The following LEF1 variants were observed in gnomAD, a reference collection of about 807,000 sequenced individuals.
LEF1 encodes the protein lymphoid enhancer binding factor 1, also known as lymphoid enhancer-binding factor 1.
Under a neutral mutation model 51.2 loss-of-function variants are expected in LEF1, and 14 were observed. The observed-to-expected ratio is 0.27, with a 90% confidence interval of 0.18 to 0.43. LEF1 has a LOEUF of 0.43. Among genes scored for constraint, LEF1 ranks in the 20% least tolerant of loss-of-function variants. The probability of loss-of-function intolerance (pLI) is 1.00; values close to 1 mark genes in which losing one functional copy is unlikely to be tolerated. For synonymous variants in LEF1, 185 were observed against 183.2 expected (o/e 1.01, Z -0.08); for missense variants, 386 against 512.0 (o/e 0.75, Z 2.37).
intron 9 of LEF1, among the ~76,000 whole-genome samples, chr4:108,067,644 C>T (rs563966541): frequency 3.5e-4 from 53 of 152,080 alleles, no homozygotes; most frequent in African/African-American, 1.2e-3. Context: ...ATTCTTCTGC[C>T]TCAGCCTCCC....
chr4:108,155,602 A>G (rs185429931), intron 3 of LEF1, among the ~76,000 whole-genome samples: 1 of 152,340 alleles, frequency 6.6e-6, no homozygotes, highest in Non-Finnish European at 1.5e-5. Context: ...GTGGGGCCCA[A>G]GGCACTGACT....
At chr4:108,088,820 A>G (rs1281278317) in intron 4 of LEF1, among the ~76,000 whole-genome samples, 3 of 152,176 alleles carry the variant, frequency 2.0e-5, no homozygotes, top group Non-Finnish European at 4.4e-5. Context: ...ATAAATGAAT[A>G]TTGTAGAGTA....
At chr4:108,088,010 A>G (rs1739762006) in intron 4 of LEF1, among the ~76,000 whole-genome samples, 1 of 152,242 alleles carries the variant, frequency 6.6e-6, no homozygotes. Flanking sequence ...ATAAAACAGA[A>G]GCAAACCTAG....
chr4:108,084,767 T>C (rs2126293008), intron 4 of LEF1, among the ~76,000 whole-genome samples: 1 of 152,318 alleles, frequency 6.6e-6, no homozygotes, highest in East Asian at 1.9e-4. Flanking sequence ...CTGACTCTTT[T>C]GGTTACAGCA....
intron 3 of LEF1, among the ~76,000 whole-genome samples, chr4:108,122,462 C>G (rs1183304180): frequency 6.6e-6 from 1 of 151,944 alleles, no homozygotes; most frequent in Non-Finnish European, 1.5e-5. Context: ...GTCTAATCTG[C>G]TGTTACCACC....
chr4:108,057,644 C>T (rs1413076125), intron 11 of LEF1, among the ~76,000 whole-genome samples: 1 of 152,050 alleles, frequency 6.6e-6, no homozygotes, highest in Non-Finnish European at 1.5e-5. Flanking sequence ...CTTCACAGGA[C>T]CCAGGAGCCC....
intron 8 of LEF1, among the ~76,000 whole-genome samples, chr4:108,075,868 G>A (rs1277832174): frequency 2.0e-5 from 3 of 152,168 alleles, no homozygotes; most frequent in African/African-American, 7.2e-5. Flanking sequence ...TGTACACTTG[G>A]AGATTTGGAG....
At chr4:108,068,252 A>G (rs1560764781) in intron 9 of LEF1, among the ~76,000 whole-genome samples, 1 of 152,020 alleles carries the variant, frequency 6.6e-6, no homozygotes, top group Non-Finnish European at 1.5e-5. Flanking sequence ...GGGCAACAAG[A>G]GCGAATCTCT....
At chr4:108,077,417 T>G in intron 8 of LEF1, among the ~76,000 whole-genome samples, 1 of 145,006 alleles carries the variant, frequency 6.9e-6, no homozygotes. Flanking sequence ...TGCCGCCCCG[T>G]CTGGGAAGTG....
At chr4:108,135,565 T>G (rs1280337400) in intron 3 of LEF1, among the ~76,000 whole-genome samples, 1 of 152,124 alleles carries the variant, frequency 6.6e-6, no homozygotes, top group Non-Finnish European at 1.5e-5. Context: ...ACTGGGGGAC[T>G]GGCATGCCCC....
intron 3 of LEF1, among the ~76,000 whole-genome samples, chr4:108,144,857 C>T (rs927350249): frequency 2.8e-5 from 2 of 70,944 alleles, no homozygotes; most frequent in African/African-American, 1.1e-4. Flanking sequence ...AGAATTGACC[C>T]AACCAGCCAA....
intron 7 of LEF1, 118 bp downstream of exon 7, chr4:108,079,374 G>A (rs928184359): frequency 8.9e-7 from 1 of 1,123,204 alleles, no homozygotes. Context: ...TCAAGGCAGA[G>A]GTGCATTGAG....
At chr4:108,068,886 T>C (rs886950345) in intron 9 of LEF1, among the ~76,000 whole-genome samples, 3 of 152,196 alleles carry the variant, frequency 2.0e-5, no homozygotes, top group African/African-American at 7.2e-5. Context: ...TAAAAAGAAA[T>C]AATTTCACTT....
At position 108,167,011 on chromosome 4, in the gene LEF1, C is replaced by T. The variant is rs942194067; in HGVS notation, c.213+544G>A. Reference sequence around the variant, plus strand: ...GCCTGCTCCCCGCGGCCCGGCTCACCGGTGGTAGGGACGGCCCCGCCTGCC... The same window carrying T: ...GCCTGCTCCCCGCGGCCCGGCTCACTGGTGGTAGGGACGGCCCCGCCTGCC... On this transcript the variant is annotated intron_variant, in intron 1 of 11. Coordinates refer to ENST00000265165, the MANE Select transcript of LEF1 (RefSeq NM_016269.5). The surrounding 1 kb of genome is among the most constrained non-coding windows in gnomAD (Gnocchi z 5.7). 6.6e-6 allele frequency among the ~76,000 whole-genome samples: 1 copy of T among 152,066 alleles called. No individual in the cohort carries two copies. Among genetic ancestry groups the T allele is most frequent in the Non-Finnish European group, 1.5e-5 (1 of 67,992 alleles).
intron 8 of LEF1, among the ~76,000 whole-genome samples, chr4:108,075,736 ATCTTAGAGTG>A (rs2126281953): frequency 6.6e-6 from 1 of 152,288 alleles, no homozygotes; most frequent in African/African-American, 2.4e-5. Flanking sequence ...TGGATAAACA[ATCTTAGAGTG>A]TCTATCCTAG....
At chr4:108,050,004 T>C (rs1261904885) in intron 11 of LEF1, among the ~76,000 whole-genome samples, 1 of 152,184 alleles carries the variant, frequency 6.6e-6, no homozygotes, top group East Asian at 1.9e-4. Flanking sequence ...TGCAAGCAGG[T>C]TAGCTAGTAT....
intron 3 of LEF1, among the ~76,000 whole-genome samples, chr4:108,151,259 T>C (rs1307732868): frequency 6.6e-6 from 1 of 152,224 alleles, no homozygotes; most frequent in East Asian, 1.9e-4. Flanking sequence ...TTTGAACTCT[T>C]GTGTTATCCA....
chr4:108,156,275 C>G lies in LEF1; in HGVS notation c.414+7293G>C, dbSNP rs192799308. Among the ~76,000 whole-genome samples the G allele has an allele frequency of 3.6e-3, 555 of 152,254 alleles. 4 individuals carry two copies. The highest frequency in any genetic ancestry group is 0.013 in the African/African-American group (535 of 41,532). ...TCTTTATTTATTCCAGTAGTGCACT[C>G]CCCCGGCTGACTGTTTTCAGGAGTT... On this transcript the variant is annotated intron_variant, in intron 3 of 11. Coordinates refer to ENST00000265165, the MANE Select transcript of LEF1 (RefSeq NM_016269.5).
intron 11 of LEF1, among the ~76,000 whole-genome samples, chr4:108,054,204 G>A (rs758163682): frequency 7.2e-5 from 11 of 152,150 alleles, no homozygotes; most frequent in South Asian, 2.1e-4. Context: ...CACTCTGAAC[G>A]TACCAAACCT....
Sources: allele counts gnomAD v4.1 joint callset (sites outside exome capture counted in the v4.1 genomes callset), GRCh38; gene constraint gnomAD v4.1.1; non-coding constraint Gnocchi (gnomAD v3.1); transcripts MANE v1.5; gene names NCBI Gene and HGNC (gene_info 2026-07-23, HGNC 2026-07-21).